Variants in CREB3L2 observed in about 807,000 individuals in gnomAD.
The protein encoded by CREB3L2 is cAMP responsive element binding protein 3 like 2, also known as cyclic AMP-responsive element-binding protein 3-like protein 2.
Under a neutral mutation model 57.2 loss-of-function variants are expected in CREB3L2, and 23 were observed. The ratio of observed to expected loss-of-function variants is 0.40; its 90% confidence interval spans 0.29 to 0.57. CREB3L2 has a LOEUF of 0.57. CREB3L2 is among the 20% of genes least tolerant of loss of function. The pLI, the probability that CREB3L2 is intolerant of heterozygous loss-of-function variation, is 0.42. For synonymous variants in CREB3L2, 268 were observed against 265.1 expected (o/e 1.01, Z -0.11); for missense variants, 628 against 634.7 (o/e 0.99, Z 0.11).
intron 1 of CREB3L2, among the ~76,000 whole-genome samples, chr7:137,970,842 G>A (rs2117299406): frequency 6.6e-6 from 1 of 152,324 alleles, no homozygotes. Flanking sequence ...GGAACCAACA[G>A]CATGTGCCTT....
intron 2 of CREB3L2, chr7:137,922,446 A>G (rs1489088376): frequency 5.8e-5 from 6 of 103,022 alleles, no homozygotes; most frequent in African/African-American, 2.6e-4. Flanking sequence ...ACGTATATAT[A>G]TATATATACA....
intron 1 of CREB3L2, among the ~76,000 whole-genome samples, chr7:137,938,371 A>G (rs949711825): frequency 6.6e-6 from 1 of 152,042 alleles, no homozygotes; most frequent in Non-Finnish European, 1.5e-5. Flanking sequence ...TTTGAGACAG[A>G]GTCTCACTCT....
intron 8 of CREB3L2, 145 bp downstream of exon 8, chr7:137,901,209 T>G: frequency 3.3e-6 from 2 of 608,388 alleles, no homozygotes; most frequent in South Asian, 2.0e-5. Flanking sequence ...GTGGGTGGAG[T>G]TTGGCCATGC....
At chr7:137,927,318 G>A (rs1329838856) in intron 2 of CREB3L2, among the ~76,000 whole-genome samples, 3 of 148,466 alleles carry the variant, frequency 2.0e-5, no homozygotes, top group Non-Finnish European at 4.5e-5. Flanking sequence ...AAGGGAGGCA[G>A]GGAGGGAGCG....
intron 8 of CREB3L2, among the ~76,000 whole-genome samples, chr7:137,886,051 C>G (rs1374120843): frequency 6.6e-6 from 1 of 152,120 alleles, no homozygotes; most frequent in Admixed American, 6.5e-5. Context: ...TTTTGTGAAC[C>G]AGAAAGCAGG....
At chr7:137,922,737 C>T (rs993717424) in intron 2 of CREB3L2, 10 of 407,402 alleles carry the variant, frequency 2.5e-5, no homozygotes, top group Middle Eastern at 6.9e-4. Flanking sequence ...GAGGGCGGAC[C>T]GTACATCCAT....
chr7:137,986,228 G>A (rs546284403), intron 1 of CREB3L2, among the ~76,000 whole-genome samples: 1 of 152,312 alleles, frequency 6.6e-6, no homozygotes, highest in African/African-American at 2.4e-5. Context: ...CCTACCATGC[G>A]CACAGCACTG....
At chr7:137,901,271 C>A in intron 8 of CREB3L2, 83 bp downstream of exon 8, 1 of 922,660 alleles carries the variant, frequency 1.1e-6, no homozygotes. Context: ...CACTTTTCTG[C>A]CATCCCTGGT....
At chr7:137,999,144 C>T (rs188308879) in intron 1 of CREB3L2, among the ~76,000 whole-genome samples, 2 of 152,050 alleles carry the variant, frequency 1.3e-5, no homozygotes, top group African/African-American at 4.8e-5. Context: ...CTACCTTAGG[C>T]CTTTGCTCTA....
At chr7:137,991,309 A>G (rs1801890900) in intron 1 of CREB3L2, among the ~76,000 whole-genome samples, 1 of 151,328 alleles carries the variant, frequency 6.6e-6, no homozygotes, top group Non-Finnish European at 1.5e-5. Flanking sequence ...GACTACAGGC[A>G]CCCACCACCA....
Position 137,878,599 on chromosome 7 carries a change from G to C in CREB3L2, c.*1877C>G. ...TCAGACAGTCTCCGCCCTGGCTAAT[G>C]GGAGGGACAACAAGAACCCTCCAGA... On this transcript the variant is annotated 3_prime_UTR_variant, in exon 12 of 12. Transcript: ENST00000330387. 1 of 233,680 alleles carries C rather than the reference G, an allele frequency of 4.3e-6. No homozygotes were observed. Among genetic ancestry groups the C allele is most frequent in the Non-Finnish European group, 8.4e-6 (1 of 118,406 alleles). The allele number at this position is 233,680 out of a possible 1,614,324, so 14.5% of individuals were successfully genotyped here. A position where few individuals can be genotyped will look rare whatever the true frequency, so the allele number is the denominator to read the frequency against.
chr7:137,889,705 A>G (rs1010834205), intron 8 of CREB3L2, among the ~76,000 whole-genome samples: 1 of 152,222 alleles, frequency 6.6e-6, no homozygotes, highest in Non-Finnish European at 1.5e-5. Flanking sequence ...CATTTCGCTC[A>G]GTCATCCCCA....
intron 1 of CREB3L2, among the ~76,000 whole-genome samples, chr7:137,944,550 A>C (rs955413134): frequency 1.3e-5 from 2 of 152,234 alleles, no homozygotes; most frequent in African/African-American, 2.4e-5. Flanking sequence ...TCACAATCAG[A>C]AAGAACAGCT....
At chr7:137,912,693 C>T (rs900699238) in intron 4 of CREB3L2, 9 of 692,802 alleles carry the variant, frequency 1.3e-5, no homozygotes, top group South Asian at 5.8e-5. Context: ...TTCTCTTGTT[C>T]GATAGTGTTT....
intron 8 of CREB3L2, among the ~76,000 whole-genome samples, chr7:137,889,361 G>C (rs1395058662): frequency 6.6e-6 from 1 of 152,202 alleles, no homozygotes; most frequent in Admixed American, 6.5e-5. Flanking sequence ...AGAGAGCAGA[G>C]AGGGCTGGTG....
intron 1 of CREB3L2, among the ~76,000 whole-genome samples, chr7:137,970,950 G>GGGT (rs2117299531): frequency 6.6e-6 from 1 of 152,266 alleles, no homozygotes; most frequent in South Asian, 2.1e-4. Flanking sequence ...CTTTATAGCT[G>GGGT]GGTGCCTCAG....
chr7:137,983,141 T>C (rs1181441740), intron 1 of CREB3L2, among the ~76,000 whole-genome samples: 1 of 152,178 alleles, frequency 6.6e-6, no homozygotes, highest in East Asian at 1.9e-4. Flanking sequence ...AGTCTACCTG[T>C]TCCCATGTGT....
intron 7 of CREB3L2, among the ~76,000 whole-genome samples, chr7:137,903,436 T>G (rs1027152425): frequency 6.6e-6 from 1 of 152,074 alleles, no homozygotes; most frequent in African/African-American, 2.4e-5. Flanking sequence ...ACAGCCCGCC[T>G]GATATTACAG....
rs1363316172 is a variant in CREB3L2 at position 137,876,832 on chromosome 7, G to A, written c.*3644C>T. On this transcript the variant is annotated 3_prime_UTR_variant, in exon 12 of 12. Coordinates refer to ENST00000330387, the MANE Select transcript of CREB3L2 (RefSeq NM_194071.4). ...GGGGCAGAGGAAGGGGAGGATGAAG[G>A]TCTTCTAGTGCATCTCTGCCCTCTC... is the stretch of plus-strand genomic sequence containing the variant. 1 of 232,204 alleles carries A rather than the reference G, an allele frequency of 4.3e-6. No individual in the cohort carries two copies. The highest frequency in any genetic ancestry group is 6.1e-5 in the East Asian group (1 of 16,464). The allele number at this position is 232,204 out of a possible 1,614,324, so 14.4% of individuals were successfully genotyped here.
Sources: gnomAD v4.1 joint callset for allele counts (sites outside exome capture counted in the v4.1 genomes callset) on GRCh38, gnomAD v4.1.1 for gene constraint, MANE v1.5 for transcripts, NCBI Gene and HGNC (gene_info 2026-07-23, HGNC 2026-07-21) for gene names.